The following PITPNC1 variants were observed in gnomAD, a reference collection of about 807,000 sequenced individuals.
PITPNC1 encodes phosphatidylinositol transfer protein cytoplasmic 1.
A neutral mutation model predicts 44.7 loss-of-function variants in PITPNC1; 18 were observed. The ratio of observed to expected loss-of-function variants is 0.40; its 90% CI spans 0.28 to 0.60. PITPNC1 has a LOEUF of 0.60. Among genes scored for constraint, PITPNC1 ranks in the 20% least tolerant of loss-of-function variants. The pLI, the probability that PITPNC1 is intolerant of heterozygous loss-of-function variation, is 0.39. For missense variants in PITPNC1, 290 were observed against 418.4 expected, an observed-to-expected ratio of 0.69 and a Z score of 2.68; for synonymous variants, 141 against 149.6, an observed-to-expected ratio of 0.94 and a Z score of 0.42.
intron 1 of PITPNC1, among the ~76,000 whole-genome samples, chr17:67,437,209 T>G (rs1186994460): frequency 1.3e-5 from 2 of 152,018 alleles, no homozygotes; most frequent in Non-Finnish European, 2.9e-5. Context: ...TGTGAGCCAC[T>G]GCACCTAGCC....
chr17:67,449,062 C>T (rs1358978910), intron 1 of PITPNC1, among the ~76,000 whole-genome samples: 13 of 152,238 alleles, frequency 8.5e-5, no homozygotes, highest in Admixed American at 7.9e-4. Flanking sequence ...CCAGCATGCT[C>T]AGCCAGGTAC....
At chr17:67,496,159 A>G (rs1045640941) in intron 1 of PITPNC1, among the ~76,000 whole-genome samples, 1 of 152,198 alleles carries the variant, frequency 6.6e-6, no homozygotes, top group Non-Finnish European at 1.5e-5. Flanking sequence ...AGAGGAAAAA[A>G]TGCTGGGGAG....
chr17:67,517,350 A>G (rs912062731), intron 1 of PITPNC1, among the ~76,000 whole-genome samples: 2 of 152,238 alleles, frequency 1.3e-5, no homozygotes, highest in Admixed American at 6.5e-5. Flanking sequence ...TGCAGCTGCT[A>G]TGGAGGAAAG....
chr17:67,511,807 C>T (rs959479157), intron 1 of PITPNC1, among the ~76,000 whole-genome samples: 1 of 152,106 alleles, frequency 6.6e-6, no homozygotes, highest in Non-Finnish European at 1.5e-5. Flanking sequence ...TTGCACCCAG[C>T]CTGGCTAGCT....
At position 67,455,021 on chromosome 17, in the gene PITPNC1, A is replaced by G. The variant is rs546917999; in HGVS notation, c.48+76819A>G. 1.6e-3 allele frequency among the ~76,000 whole-genome samples: 236 copies of G among 151,922 alleles called. 1 individual carries two copies. Among genetic ancestry groups the G allele is most frequent in the Middle Eastern group, 0.01 (3 of 294 alleles). On this transcript the variant is annotated intron_variant, in intron 1 of 8. Transcript: ENST00000581322. Reference sequence around the variant, plus strand: ...TTTTTTGTAGAGATGGGGTCTTGCTATGTTGCCCAGGCTGGTCTTGAACTC... The same window carrying G: ...TTTTTTGTAGAGATGGGGTCTTGCTGTGTTGCCCAGGCTGGTCTTGAACTC...
intron 4 of PITPNC1, among the ~76,000 whole-genome samples, chr17:67,555,499 T>A (rs2040823900): frequency 1.3e-5 from 2 of 152,010 alleles, no homozygotes; most frequent in South Asian, 4.1e-4. Flanking sequence ...TACCCCCTAG[T>A]TCCATTGCTT....
chr17:67,475,340 C>T (rs1470723946), intron 1 of PITPNC1, among the ~76,000 whole-genome samples: 3 of 152,176 alleles, frequency 2.0e-5, no homozygotes, highest in African/African-American at 4.8e-5. Flanking sequence ...CTAAATCCAA[C>T]GTGACGCCTA....
At chr17:67,588,670 A>G (rs199853680) in intron 5 of PITPNC1, among the ~76,000 whole-genome samples, 2 of 152,220 alleles carry the variant, frequency 1.3e-5, no homozygotes, top group African/African-American at 4.8e-5. Context: ...CTCAGAATAT[A>G]TCCCCCTCGG....
Position 67,624,315 on chromosome 17 carries a change from A to C in PITPNC1, c.367-7828A>C, listed in dbSNP as rs184927342. Among the ~76,000 whole-genome samples, 931 of 146,240 alleles carry C rather than the reference A, an allele frequency of 6.4e-3. 11 individuals carry two copies. Among genetic ancestry groups the C allele is most frequent in the African/African-American group, 0.022 (886 of 39,560 alleles). ...CAGCCTCCACTGCCTAGGCTCAAGC[A>C]GTCCTCCCACCTCAGCCTCCTGAGT... On this transcript the variant is annotated intron_variant, in intron 5 of 8. Coordinates refer to ENST00000581322, the MANE Select transcript of PITPNC1 (RefSeq NM_012417.4).
intron 6 of PITPNC1, among the ~76,000 whole-genome samples, chr17:67,653,538 T>C (rs865971514): frequency 1.3e-5 from 2 of 151,640 alleles, no homozygotes; most frequent in Non-Finnish European, 2.9e-5. Context: ...TGTGATTATC[T>C]TTTTGTTGTT....
chr17:67,442,930 C>T (rs1472233557), intron 1 of PITPNC1, among the ~76,000 whole-genome samples: 1 of 151,976 alleles, frequency 6.6e-6, no homozygotes, highest in Admixed American at 6.6e-5. Flanking sequence ...TTAAATTTTA[C>T]ACCTAGGCAA....
At chr17:67,415,341 G>C (rs2038571738) in intron 1 of PITPNC1, among the ~76,000 whole-genome samples, 3 of 152,136 alleles carry the variant, frequency 2.0e-5, no homozygotes, top group Admixed American at 1.3e-4. Flanking sequence ...TGTAGCTCAG[G>C]ACCCTCTTTA....
chr17:67,549,309 G>A (rs534911567), intron 2 of PITPNC1, among the ~76,000 whole-genome samples: 3 of 152,274 alleles, frequency 2.0e-5, no homozygotes, highest in South Asian at 4.2e-4. Context: ...CCCAGGAGAC[G>A]GAGGTTGCAG....
intron 1 of PITPNC1, among the ~76,000 whole-genome samples, chr17:67,516,869 C>T (rs1026327810): frequency 6.6e-5 from 10 of 152,146 alleles, no homozygotes; most frequent in Non-Finnish European, 1.3e-4. Context: ...ATCTGTCTGC[C>T]AAAGCGCTGA....
At chr17:67,483,029 A>G (rs528034119) in intron 1 of PITPNC1, among the ~76,000 whole-genome samples, 7 of 152,072 alleles carry the variant, frequency 4.6e-5, no homozygotes, top group African/African-American at 1.7e-4. Context: ...CTTGCTTCCT[A>G]CCATCAAAAG....
intron 5 of PITPNC1, among the ~76,000 whole-genome samples, chr17:67,629,529 A>G (rs9891619): frequency 0.94 from 143,539 of 152,296 alleles, 67,786 homozygotes; most frequent in East Asian, 0.99. Context: ...GCCCGACATC[A>G]GCCTCCCGAA....
At chr17:67,395,542 T>A (rs1010231266) in intron 1 of PITPNC1, among the ~76,000 whole-genome samples, 9 of 152,172 alleles carry the variant, frequency 5.9e-5, no homozygotes, top group Non-Finnish European at 1.2e-4. Context: ...TTTCCTATAG[T>A]TAGTTCCCTG....
intron 1 of PITPNC1, among the ~76,000 whole-genome samples, chr17:67,472,257 C>G (rs903933899): frequency 7.1e-6 from 1 of 140,986 alleles, no homozygotes; most frequent in African/African-American, 2.6e-5. Context: ...TTTGGCTGCC[C>G]TGGGACACAT....
intron 5 of PITPNC1, among the ~76,000 whole-genome samples, chr17:67,595,430 C>A (rs991378482): frequency 1.3e-5 from 2 of 151,526 alleles, no homozygotes; most frequent in Non-Finnish European, 2.9e-5. Context: ...CCTTCAAGGA[C>A]AAAGTCTCAG....
Sources: gnomAD v4.1 joint callset for allele counts (sites outside exome capture counted in the v4.1 genomes callset) on GRCh38, gnomAD v4.1.1 for gene constraint, MANE v1.5 for transcripts, NCBI Gene and HGNC (gene_info 2026-07-23, HGNC 2026-07-21) for gene names.